Variants in NRXN3 observed in about 807,000 individuals in gnomAD.
NRXN3 encodes the protein neurexin 3.
Under a neutral mutation model 137.6 loss-of-function variants are expected in NRXN3, and 32 were observed. The observed-to-expected ratio is 0.23, with a 90% CI of 0.18 to 0.31. The LOEUF (loss-of-function observed/expected upper bound fraction) is 0.31, where lower values mean the gene tolerates loss of function less well. Among genes scored for constraint, NRXN3 ranks in the 10% least tolerant of loss-of-function variants. The pLI, the probability that NRXN3 is intolerant of heterozygous loss-of-function variation, is 1.00. For synonymous variants in NRXN3, 798 were observed against 784.5 expected (o/e 1.02, Z -0.29); for missense variants, 1,574 against 2,062.5 (o/e 0.76, Z 4.59).
chr14:79,578,841 C>A (rs1446300255), intron 16 of NRXN3, among the ~76,000 whole-genome samples: 1 of 151,992 alleles, frequency 6.6e-6, no homozygotes, highest in Non-Finnish European at 1.5e-5. Context: ...GATACAATCC[C>A]CTCAAGTCAA....
chr14:79,373,059 C>T (rs1302827809), intron 15 of NRXN3, among the ~76,000 whole-genome samples: 4 of 151,984 alleles, frequency 2.6e-5, no homozygotes, highest in African/African-American at 9.7e-5. Context: ...TTATCAACAC[C>T]CCAAATTACT....
At chr14:79,250,495 A>C (rs2075784517) in intron 15 of NRXN3, among the ~76,000 whole-genome samples, 1 of 152,210 alleles carries the variant, frequency 6.6e-6, no homozygotes, top group Non-Finnish European at 1.5e-5. Flanking sequence ...TTGCTTGTTT[A>C]ATTCTCACAA....
intron 10 of NRXN3, among the ~76,000 whole-genome samples, chr14:78,909,193 A>C (rs1442948437): frequency 2.6e-5 from 4 of 152,182 alleles, no homozygotes; most frequent in Non-Finnish European, 5.9e-5. Flanking sequence ...AACATTTCTT[A>C]GAAGAGTTGT....
intron 15 of NRXN3, among the ~76,000 whole-genome samples, chr14:79,032,331 G>A (rs1161331208): frequency 2.6e-5 from 4 of 152,078 alleles, no homozygotes; most frequent in Non-Finnish European, 4.4e-5. Flanking sequence ...TATGGTCATT[G>A]TGCTATGGTT....
intron 6 of NRXN3, among the ~76,000 whole-genome samples, chr14:78,666,429 A>G (rs1455998970): frequency 2.0e-5 from 3 of 152,204 alleles, no homozygotes; most frequent in Non-Finnish European, 4.4e-5. Context: ...GCAGCATTGG[A>G]TGACCCATAA....
At chr14:78,761,656 G>T (rs1262549121) in intron 8 of NRXN3, among the ~76,000 whole-genome samples, 1 of 152,138 alleles carries the variant, frequency 6.6e-6, no homozygotes, top group Non-Finnish European at 1.5e-5. Context: ...AAACCTAGCA[G>T]TTTGAAAAAA....
chr14:79,003,339 A>G (rs897654338), intron 15 of NRXN3, among the ~76,000 whole-genome samples: 2 of 152,228 alleles, frequency 1.3e-5, no homozygotes, highest in Non-Finnish European at 2.9e-5. Flanking sequence ...CAGAACTTTC[A>G]ATACACAATC....
intron 4 of NRXN3, among the ~76,000 whole-genome samples, chr14:78,410,310 T>C: frequency 6.6e-6 from 1 of 152,248 alleles, no homozygotes; most frequent in African/African-American, 2.4e-5. Context: ...ACCTATGTTA[T>C]AGCTCTGTTA....
intron 16 of NRXN3, among the ~76,000 whole-genome samples, chr14:79,598,649 C>T (rs970572790): frequency 3.9e-5 from 6 of 152,224 alleles, no homozygotes; most frequent in Admixed American, 6.5e-5. Context: ...AGAATCTCTT[C>T]TACTTCCCTC....
chr14:79,048,788 G>A (rs1383700652), intron 15 of NRXN3, among the ~76,000 whole-genome samples: 3 of 150,620 alleles, frequency 2.0e-5, no homozygotes, highest in Admixed American at 6.6e-5. Context: ...ACTTTGGGAG[G>A]CCGAGACGGG....
chr14:78,354,968 A>G (rs1044492112), intron 4 of NRXN3, among the ~76,000 whole-genome samples: 1 of 152,188 alleles, frequency 6.6e-6, no homozygotes, highest in African/African-American at 2.4e-5. Flanking sequence ...ACACCGAACA[A>G]GGTGAGGCAG....
At chr14:78,399,483 G>T (rs1485786873) in intron 4 of NRXN3, among the ~76,000 whole-genome samples, 6 of 152,262 alleles carry the variant, frequency 3.9e-5, no homozygotes, top group African/African-American at 1.4e-4. Flanking sequence ...AAATACGAAG[G>T]TTCCCAGGGA....
intron 4 of NRXN3, among the ~76,000 whole-genome samples, chr14:78,469,845 T>G (rs1367606792): frequency 6.6e-6 from 1 of 152,246 alleles, no homozygotes; most frequent in African/African-American, 2.4e-5. Flanking sequence ...ATCTCAGTAT[T>G]TGTTTTCCTT....
At chr14:79,206,570 G>A (rs1388187032) in intron 15 of NRXN3, among the ~76,000 whole-genome samples, 1 of 152,182 alleles carries the variant, frequency 6.6e-6, no homozygotes, top group Admixed American at 6.5e-5. Context: ...AGCCTGAAGA[G>A]TAGGCATGCT....
intron 15 of NRXN3, among the ~76,000 whole-genome samples, chr14:79,317,029 G>A (rs977168146): frequency 2.6e-5 from 4 of 152,132 alleles, no homozygotes; most frequent in Non-Finnish European, 2.9e-5. Flanking sequence ...TCAGGAGTTC[G>A]AGACCAGCCT....
chr14:79,102,656 G>A (rs1427123429), intron 15 of NRXN3, among the ~76,000 whole-genome samples: 1 of 152,152 alleles, frequency 6.6e-6, no homozygotes, highest in Non-Finnish European at 1.5e-5. Flanking sequence ...GGTGTGAATA[G>A]TTTTTATAAG....
At chr14:79,131,703 C>T (rs563260735) in intron 15 of NRXN3, among the ~76,000 whole-genome samples, 4 of 152,352 alleles carry the variant, frequency 2.6e-5, no homozygotes, top group African/African-American at 9.6e-5. Flanking sequence ...TGGTTGGCTC[C>T]ACCCAGTTGG....
chr14:78,398,737 G>C (rs144668362), intron 4 of NRXN3, among the ~76,000 whole-genome samples: 2 of 152,198 alleles, frequency 1.3e-5, no homozygotes, highest in African/African-American at 4.8e-5. Flanking sequence ...ACCCCGAGGG[G>C]ATGGGGAGTG....
intron 8 of NRXN3, among the ~76,000 whole-genome samples, chr14:78,737,516 T>C (rs1264252786): frequency 6.6e-6 from 1 of 152,110 alleles, no homozygotes; most frequent in Non-Finnish European, 1.5e-5. Flanking sequence ...TAGTAGGCTC[T>C]TGACCCGTGA....
Sources: gnomAD v4.1 joint callset for allele counts (sites outside exome capture counted in the v4.1 genomes callset) on GRCh38, gnomAD v4.1.1 for gene constraint, MANE v1.5 for transcripts, NCBI Gene and HGNC (gene_info 2026-07-23, HGNC 2026-07-21) for gene names.